The following NTN4 variants were observed in gnomAD, a reference collection of about 807,000 sequenced individuals.
NTN4 encodes the protein netrin 4, also known as netrin-4.
In NTN4, 32 loss-of-function variants were observed where a neutral mutation model predicts 73.6. That is an observed-to-expected ratio of 0.44 (90% CI 0.33 to 0.58). NTN4 has a LOEUF of 0.58. Ranked by LOEUF, NTN4 falls within the 20% of genes least tolerant of loss-of-function variation. The pLI is 0.04. For synonymous variants in NTN4, 258 were observed against 287.5 expected (o/e 0.90, Z 1.04); for missense variants, 654 against 798.3 (o/e 0.82, Z 2.18).
chr12:95,759,264 T>A (rs1278633317), intron 2 of NTN4, among the ~76,000 whole-genome samples: 1 of 152,136 alleles, frequency 6.6e-6, no homozygotes, highest in African/African-American at 2.4e-5. Context: ...ATTTTTTTTT[T>A]CCTGTTACTC....
At chr12:95,686,131 A>G (rs2078359363) in intron 5 of NTN4, among the ~76,000 whole-genome samples, 1 of 152,124 alleles carries the variant, frequency 6.6e-6, no homozygotes, top group South Asian at 2.1e-4. Context: ...GGCTCAAGCA[A>G]TGCTCTTGCC....
intron 7 of NTN4, among the ~76,000 whole-genome samples, chr12:95,675,197 G>A (rs543416466): frequency 4.6e-4 from 70 of 152,064 alleles, no homozygotes; most frequent in African/African-American, 1.6e-3. Context: ...CTTCTCTTTC[G>A]CACCTTCTTT....
chr12:95,704,179 C>T (rs777712262), intron 5 of NTN4, among the ~76,000 whole-genome samples: 9 of 152,252 alleles, frequency 5.9e-5, no homozygotes, highest in East Asian at 5.8e-4. Flanking sequence ...GATGCCAATG[C>T]GGCTGGTCTG....
chr12:95,711,971 T>A (rs886900370), intron 4 of NTN4, among the ~76,000 whole-genome samples: 5 of 152,200 alleles, frequency 3.3e-5, no homozygotes, highest in African/African-American at 1.2e-4. Context: ...TAAAAGTATA[T>A]TACAAGATAA....
intron 2 of NTN4, among the ~76,000 whole-genome samples, chr12:95,744,547 A>G (rs2078848102): frequency 6.6e-6 from 1 of 152,138 alleles, no homozygotes; most frequent in South Asian, 2.1e-4. Flanking sequence ...AGAAACTAAG[A>G]AGAGTATACT....
intron 2 of NTN4, among the ~76,000 whole-genome samples, chr12:95,766,785 C>A (rs1229803649): frequency 6.6e-6 from 1 of 152,204 alleles, no homozygotes; most frequent in Admixed American, 6.5e-5. Flanking sequence ...GAGCATTATT[C>A]TTCCATGAAT....
rs771119260 is a variant in NTN4 at position 95,781,141 on chromosome 12, C to T, written c.585+5798G>A. 4.6e-5 allele frequency among the ~76,000 whole-genome samples: 7 copies of T among 151,856 alleles called. No homozygotes were observed. Among genetic ancestry groups the T allele is most frequent in the Non-Finnish European group, 7.4e-5 (5 of 67,988 alleles). Reference sequence around the variant, plus strand: ...AGGAAGGGGAACATCACACACACACCGGGGCCTGTTGTGGGGTTGGGGGAG... The same window carrying T: ...AGGAAGGGGAACATCACACACACACTGGGGCCTGTTGTGGGGTTGGGGGAG... On this transcript the variant is annotated intron_variant, in intron 2 of 9. Transcript: ENST00000343702. The surrounding 1 kb of genome is among the most constrained non-coding windows in gnomAD (Gnocchi z 4.1).
chr12:95,717,118 C>T (rs1056119039), intron 3 of NTN4, among the ~76,000 whole-genome samples: 10 of 152,168 alleles, frequency 6.6e-5, no homozygotes, highest in African/African-American at 2.4e-4. Context: ...CCCTCTTTTC[C>T]ACTTTTTAGC....
rs1263547475 is a variant in NTN4 at position 95,658,870 on chromosome 12, CAG to C, written c.*214_*215del. 2.6e-6 allele frequency: 1 copy of C among 385,628 alleles called. No homozygotes were observed. Among genetic ancestry groups the C allele is most frequent in the African/African-American group, 2.1e-5 (1 of 48,078 alleles). The allele number at this position is 385,628 out of a possible 1,614,324, so 23.9% of individuals were successfully genotyped here. Reference sequence around the variant, plus strand: ...ATTTCAGAATCAGTCCCATAGAAAACAGATATCAGTGTAGGGGTTTTCATTTC... The same window carrying C: ...ATTTCAGAATCAGTCCCATAGAAAACATATCAGTGTAGGGGTTTTCATTTC... On this transcript the variant is annotated 3_prime_UTR_variant, in exon 10 of 10. Coordinates refer to ENST00000343702, the MANE Select transcript of NTN4 (RefSeq NM_021229.4).
intron 2 of NTN4, among the ~76,000 whole-genome samples, chr12:95,753,879 C>CA (rs1472523412): frequency 2.6e-5 from 4 of 152,022 alleles, no homozygotes; most frequent in East Asian, 1.9e-4. Flanking sequence ...GACTGTGCCC[C>CA]AAAAAAACTT....
intron 5 of NTN4, among the ~76,000 whole-genome samples, chr12:95,690,546 A>G (rs2078394365): frequency 6.6e-6 from 1 of 152,190 alleles, no homozygotes; most frequent in South Asian, 2.1e-4. Flanking sequence ...GAGAACATTT[A>G]GGCATTTTTC....
At chr12:95,785,200 C>T (rs931477426) in intron 2 of NTN4, among the ~76,000 whole-genome samples, 1 of 152,144 alleles carries the variant, frequency 6.6e-6, no homozygotes, top group East Asian at 1.9e-4. Context: ...GCATGCCTGC[C>T]ATCTGGTTAC....
At chr12:95,780,594 C>T (rs1225047357) in intron 2 of NTN4, among the ~76,000 whole-genome samples, 1 of 152,136 alleles carries the variant, frequency 6.6e-6, no homozygotes, top group Non-Finnish European at 1.5e-5. Flanking sequence ...ATCAAAACCG[C>T]AATGAGATAC....
At chr12:95,664,663 A>T (rs752135800) in intron 9 of NTN4, among the ~76,000 whole-genome samples, 3 of 151,936 alleles carry the variant, frequency 2.0e-5, no homozygotes, top group Non-Finnish European at 2.9e-5. Context: ...CCCAGGCTGG[A>T]GTACAGTGGT....
intron 8 of NTN4, among the ~76,000 whole-genome samples, chr12:95,667,197 T>TTTTTTTTTTTTGAGATGGAGTC (rs2078187729): frequency 6.6e-6 from 1 of 151,456 alleles, no homozygotes; most frequent in Non-Finnish European, 1.5e-5. Flanking sequence ...AAGTTCTTTT[T>TTTTTTTTTTTTGAGATGGAGTC]TTTTTTTTTT....
intron 6 of NTN4, 83 bp from the exon 7 acceptor site, chr12:95,682,905 T>C (rs1307821659): frequency 1.5e-5 from 11 of 718,688 alleles, no homozygotes; most frequent in African/African-American, 3.6e-5. Flanking sequence ...GATTTAAACC[T>C]TATCTTCTGC....
intron 3 of NTN4, among the ~76,000 whole-genome samples, chr12:95,715,855 A>C (rs2078601225): frequency 6.6e-6 from 1 of 152,118 alleles, no homozygotes; most frequent in African/African-American, 2.4e-5. Flanking sequence ...TATGTGGCAA[A>C]TTTCTGTAAA....
At position 95,751,793 on chromosome 12, in the gene NTN4, T is replaced by C. The variant is rs1441058925; in HGVS notation, c.586-13649A>G. Among the ~76,000 whole-genome samples the C allele has an allele frequency of 3.2e-5, 4 of 126,118 alleles. No individual in the cohort carries two copies. The East Asian group carries it at 6.8e-4, about 21-fold the overall frequency. 82.7% of individuals were successfully genotyped at this position (126,118 alleles called of 152,430 possible). On this transcript the variant is annotated intron_variant, in intron 2 of 9. Transcript: ENST00000343702. ...CCACATTACCTTCTTTTCAAGGGCCTGTTTCCCTTGCCTCCATAACTGTTA... is the reference window on the plus strand; with the variant it reads ...CCACATTACCTTCTTTTCAAGGGCCCGTTTCCCTTGCCTCCATAACTGTTA...
intron 2 of NTN4, among the ~76,000 whole-genome samples, chr12:95,757,354 A>C (rs1592707370): frequency 6.6e-6 from 1 of 152,244 alleles, no homozygotes; most frequent in Non-Finnish European, 1.5e-5. Context: ...AGTAAGTGGC[A>C]GAGCCAGTAC....
Sources: gnomAD v4.1 joint callset for allele counts (sites outside exome capture counted in the v4.1 genomes callset) on GRCh38, gnomAD v4.1.1 for gene constraint, Gnocchi (gnomAD v3.1) non-coding constraint, MANE v1.5 for transcripts, NCBI Gene and HGNC (gene_info 2026-07-23, HGNC 2026-07-21) for gene names.